The following RBFOX1 variants were observed in gnomAD, a reference collection of about 807,000 sequenced individuals.
RBFOX1 encodes the protein RNA binding fox-1 homolog 1, also known as RNA binding protein fox-1 homolog 1.
RBFOX1 carries 8 observed loss-of-function variants against 57.7 expected under a neutral mutation model. The observed-to-expected ratio is 0.14, with a 90% CI of 0.08 to 0.25. The LOEUF (loss-of-function observed/expected upper bound fraction) is 0.25, where lower values mean the gene tolerates loss of function less well. RBFOX1 is among the 10% of genes least tolerant of loss of function. The probability of loss-of-function intolerance (pLI) is 1.00; values close to 1 mark genes in which losing one functional copy is unlikely to be tolerated. For synonymous variants in RBFOX1, 326 were observed against 222.4 expected (o/e 1.47, Z -4.15); for missense variants, 611 against 548.5 (o/e 1.11, Z -1.14).
chr16:7,570,000 A>C (rs991608802), intron 5 of RBFOX1, among the ~76,000 whole-genome samples: 7 of 152,212 alleles, frequency 4.6e-5, no homozygotes, highest in African/African-American at 1.4e-4. Context: ...ATATAAATCA[A>C]GTATTTCCAA....
intron 11 of RBFOX1, among the ~76,000 whole-genome samples, chr16:7,650,181 C>A (rs72776829): frequency 6.6e-6 from 1 of 152,132 alleles, no homozygotes; most frequent in South Asian, 2.1e-4. Context: ...AGAGATTTCA[C>A]GAAAGGGCCC....
At chr16:5,270,647 C>G in intron 1 of RBFOX1, 1 of 554,200 alleles carries the variant, frequency 1.8e-6, no homozygotes, top group Admixed American at 2.2e-5. Context: ...TGCTCAGCAC[C>G]AACAGTCTGC....
chr16:7,305,728 T>G (rs1377759346), intron 4 of RBFOX1, among the ~76,000 whole-genome samples: 4 of 152,254 alleles, frequency 2.6e-5, no homozygotes, highest in Non-Finnish European at 5.9e-5. Flanking sequence ...AGAAAATATT[T>G]CTTAGGTGTA....
chr16:7,306,016 G>A (rs1484383105), intron 4 of RBFOX1, among the ~76,000 whole-genome samples: 1 of 152,144 alleles, frequency 6.6e-6, no homozygotes, highest in East Asian at 1.9e-4. Flanking sequence ...CTAAGCCTCA[G>A]TTGGATTTAT....
intron 2 of RBFOX1, among the ~76,000 whole-genome samples, chr16:6,344,570 T>C (rs2085069782): frequency 6.6e-6 from 1 of 150,894 alleles, no homozygotes; most frequent in Non-Finnish European, 1.5e-5. Context: ...GCTAATTTTT[T>C]GTATTTTTAG....
intron 3 of RBFOX1, among the ~76,000 whole-genome samples, chr16:7,042,260 G>C (rs2046411976): frequency 6.6e-6 from 1 of 152,192 alleles, no homozygotes; most frequent in South Asian, 2.1e-4. Context: ...ACCTGCTAAG[G>C]ACAAGTGAGG....
At chr16:5,440,333 A>T (rs866209890) in intron 1 of RBFOX1, among the ~76,000 whole-genome samples, 13 of 152,176 alleles carry the variant, frequency 8.5e-5, no homozygotes, top group African/African-American at 3.1e-4. Context: ...TTCAACTTTG[A>T]CTAGAAAGAA....
chr16:5,838,873 C>T (rs922136272), intron 3 of RBFOX1, among the ~76,000 whole-genome samples: 11 of 152,202 alleles, frequency 7.2e-5, no homozygotes, highest in African/African-American at 2.7e-4. Flanking sequence ...TTTTACAAAT[C>T]AGGAAAGAGA....
intron 4 of RBFOX1, among the ~76,000 whole-genome samples, chr16:7,362,708 C>A (rs139103504): frequency 6.6e-6 from 1 of 151,752 alleles, no homozygotes. Flanking sequence ...TTTGTGTATG[C>A]ATGCTAGTGT....
intron 4 of RBFOX1, among the ~76,000 whole-genome samples, chr16:7,326,650 C>T (rs1330339592): frequency 1.3e-5 from 2 of 150,986 alleles, no homozygotes; most frequent in Non-Finnish European, 2.9e-5. Context: ...TGAGAGGGTA[C>T]AGGTGTTTTG....
At chr16:6,876,692 A>C (rs941109285) in intron 3 of RBFOX1, among the ~76,000 whole-genome samples, 1 of 152,158 alleles carries the variant, frequency 6.6e-6, no homozygotes, top group African/African-American at 2.4e-5. Context: ...GCTGGAACCA[A>C]AGAAGTTGTT....
At chr16:6,523,637 A>G (rs373371170) in intron 2 of RBFOX1, among the ~76,000 whole-genome samples, 12 of 152,192 alleles carry the variant, frequency 7.9e-5, no homozygotes, top group South Asian at 4.1e-4. Context: ...ATTTTATCCA[A>G]TCTTCAAATA....
intron 4 of RBFOX1, among the ~76,000 whole-genome samples, chr16:7,199,921 C>G (rs1219613622): frequency 1.3e-5 from 2 of 151,992 alleles, no homozygotes; most frequent in Non-Finnish European, 2.9e-5. Flanking sequence ...ACAACAACAA[C>G]AACAACAACA....
At chr16:6,405,790 T>G (rs2093259437) in intron 2 of RBFOX1, among the ~76,000 whole-genome samples, 1 of 152,214 alleles carries the variant, frequency 6.6e-6, no homozygotes, top group African/African-American at 2.4e-5. Context: ...TACATTTGTT[T>G]CAAGGAGTAG....
intron 2 of RBFOX1, among the ~76,000 whole-genome samples, chr16:6,542,926 A>G (rs1350988357): frequency 1.3e-5 from 2 of 152,038 alleles, no homozygotes; most frequent in East Asian, 3.9e-4. Flanking sequence ...GTGCTGAGTC[A>G]CAGTTAGAAG....
At chr16:7,509,420 G>C (rs60965282) in intron 4 of RBFOX1, among the ~76,000 whole-genome samples, 17,080 of 123,242 alleles carry the variant, frequency 0.14, 1,011 homozygotes, top group East Asian at 0.18. Flanking sequence ...GTGTGTGTGT[G>C]TGTGTGTGTG....
chr16:7,442,521 C>T (rs763866413), intron 4 of RBFOX1, among the ~76,000 whole-genome samples: 2 of 152,042 alleles, frequency 1.3e-5, no homozygotes, highest in Non-Finnish European at 1.5e-5. Flanking sequence ...ATGAGGAGGC[C>T]GCAAACTGCT....
At chr16:7,058,187 C>G (rs1164282526) in intron 4 of RBFOX1, among the ~76,000 whole-genome samples, 2 of 152,074 alleles carry the variant, frequency 1.3e-5, no homozygotes, top group Non-Finnish European at 2.9e-5. Flanking sequence ...CAGGCGAACA[C>G]TAACTCATTA....
intron 4 of RBFOX1, among the ~76,000 whole-genome samples, chr16:7,350,432 A>T (rs895909880): frequency 3.3e-5 from 5 of 152,222 alleles, no homozygotes; most frequent in African/African-American, 1.2e-4. Context: ...GCCAGGTCCC[A>T]TTCCACCTTG....
Sources: gnomAD v4.1 joint callset for allele counts (sites outside exome capture counted in the v4.1 genomes callset) on GRCh38, gnomAD v4.1.1 for gene constraint, MANE v1.5 for transcripts, NCBI Gene and HGNC (gene_info 2026-07-23, HGNC 2026-07-21) for gene names.